The following ZNF845 variants were observed in gnomAD, a reference collection of about 807,000 sequenced individuals.
The protein encoded by ZNF845 is zinc finger protein 845.
Under a neutral mutation model 76.1 loss-of-function variants are expected in ZNF845, and 59 were observed. That is an observed-to-expected ratio of 0.78 (90% confidence interval 0.63 to 0.96). The LOEUF is 0.96. Among genes scored for constraint, ZNF845 ranks in the 40% least tolerant of loss-of-function variants. The pLI is 0.00. For missense variants in ZNF845, 1,045 were observed against 1,172.8 expected (o/e 0.89, Z 1.59); for synonymous variants, 361 against 386.9 (o/e 0.93, Z 0.78).
intron 3 of ZNF845, among the ~76,000 whole-genome samples, chr19:53,350,130 T>C (rs2085322934): frequency 6.6e-6 from 1 of 150,714 alleles, no homozygotes; most frequent in Non-Finnish European, 1.5e-5. Context: ...CAGAAAAATA[T>C]TGTATTAACT....
At chr19:53,348,345 TGGGAAATCCAAGAGCAA>T (rs1382010068) in intron 3 of ZNF845, among the ~76,000 whole-genome samples, 3 of 152,108 alleles carry the variant, frequency 2.0e-5, no homozygotes, top group African/African-American at 4.8e-5. Context: ...ATTTGGAAAG[TGGGAAATCCAAGAGCAA>T]GGTGCCAGCC....
At chr19:53,342,018 T>TA (rs1179109536) in intron 2 of ZNF845, among the ~76,000 whole-genome samples, 3 of 152,076 alleles carry the variant, frequency 2.0e-5, no homozygotes, top group African/African-American at 7.2e-5. Flanking sequence ...GAAAAATGGT[T>TA]ATAATTTTTC....
In ZNF845 at chr19:53,352,971, A is replaced by G; in HGVS notation, c.2296A>G (p.Arg766Gly). 2 of 1,614,116 alleles carry G rather than the reference A, an allele frequency of 1.2e-6. No homozygotes were observed. Among genetic ancestry groups the G allele is most frequent in the Non-Finnish European group, 1.7e-6 (2 of 1,179,982 alleles). ...FSRKSSLEKH[R>G]RIHTGEKPYK... ...TCGCAAATCAAGCCTTGAAAAACACAGGAGAATTCATACTGGAGAGAAACC... is the reference window on the plus strand; with the variant it reads ...TCGCAAATCAAGCCTTGAAAAACACGGGAGAATTCATACTGGAGAGAAACC... The change falls in exon 4 of 4, where the codon AGG becomes GGG. Residue 766 changes from arginine to glycine, a missense_variant. By Grantham distance (125) the Arg-to-Gly change is moderately radical (BLOSUM62 -2). Coordinates refer to ENST00000458035, the MANE Select transcript of ZNF845 (RefSeq NM_138374.3).
chr19:53,353,901 TC>T lies in ZNF845; in HGVS notation c.*315del. 9.7e-7 allele frequency: 1 copy of T among 1,025,982 alleles called. No homozygotes were observed. Among genetic ancestry groups the T allele is most frequent in the Non-Finnish European group, 1.4e-6 (1 of 714,998 alleles). The allele number at this position is 1,025,982 out of a possible 1,614,324, so 63.6% of individuals were successfully genotyped here. On this transcript the variant is annotated 3_prime_UTR_variant, in exon 4 of 4. Transcript: ENST00000458035. ...ACAACCGTTTCAAATCATTGGAGAA[TC>T]CATAATGAGAGATTTTGAAAGTGTA...
rs1288835292 is a variant in ZNF845, at chr19:53,353,363, T to C, written c.2688T>C (p.Phe896=). ...AGTGTAATAAATGTGGTAAGGTTTT[T>C]AATCAACAAGCACACCTTGCATGTC... The part of the protein sequence containing the change: ...PYKCNKCGKV[F]NQQAHLACHH... Residue 896 remains phenylalanine (F), a synonymous_variant, in exon 4 of 4, where the codon TTT becomes TTC. Coordinates refer to ENST00000458035, the MANE Select transcript of ZNF845 (RefSeq NM_138374.3). 1.2e-6 allele frequency: 2 copies of C among 1,612,700 alleles called. No homozygotes were observed. Among genetic ancestry groups the C allele is most frequent in the Non-Finnish European group, 1.7e-6 (2 of 1,179,638 alleles).
chr19:53,346,987 G>A (rs759284074), intron 3 of ZNF845, among the ~76,000 whole-genome samples: 18 of 152,088 alleles, frequency 1.2e-4, no homozygotes, highest in Non-Finnish European at 2.1e-4. Context: ...GGGTTTAAGT[G>A]ATTCTCCTGC....
chr19:53,336,633 CT>C (rs398035035), intron 1 of ZNF845, among the ~76,000 whole-genome samples: 24,737 of 92,782 alleles, frequency 0.27, 2,146 homozygotes, highest in East Asian at 0.35. Flanking sequence ...TTCTTTCTTT[CT>C]TTTTTTTTTT....
intron 1 of ZNF845, among the ~76,000 whole-genome samples, chr19:53,337,434 G>T (rs1003296397): frequency 6.6e-6 from 1 of 152,062 alleles, no homozygotes; most frequent in African/African-American, 2.4e-5. Context: ...GGCTGTGAGT[G>T]TAGTCTGGTG....
chr19:53,341,152 G>C (rs889119787), intron 1 of ZNF845, 83 bp from the exon 2 acceptor site: 1 of 1,229,284 alleles, frequency 8.1e-7, no homozygotes, highest in Non-Finnish European at 1.1e-6. Context: ...TCCTCAGGGT[G>C]AGGTCTCCTT....
At chr19:53,335,527 C>T (rs551531800) in intron 1 of ZNF845, among the ~76,000 whole-genome samples, 33 of 152,138 alleles carry the variant, frequency 2.2e-4, no homozygotes, top group Non-Finnish European at 3.4e-4. Context: ...TCCCAAATTA[C>T]TGGGATTACA....
At chr19:53,343,102 A>T (rs927472861) in intron 2 of ZNF845, among the ~76,000 whole-genome samples, 1 of 152,208 alleles carries the variant, frequency 6.6e-6, no homozygotes, top group African/African-American at 2.4e-5. Context: ...TGCAAGCGTG[A>T]TCCACCGCGC....
rs2085303363 is a variant in ZNF845, at chr19:53,347,304, A to C, written c.142+1672A>C. Among the ~76,000 whole-genome samples the C allele has an allele frequency of 3.0e-5, 4 of 131,286 alleles. No individual in the cohort carries two copies. The South Asian group carries it at 9.7e-4, about 32-fold the overall frequency. 86.1% of individuals were successfully genotyped at this position (131,286 alleles called of 152,430 possible). ...TTTTTTTTTTTCTTTCTTGAGAAGG[A>C]GTCTGTCTGTTGCCCAGGCTGGAGT... On this transcript the variant is annotated intron_variant, in intron 3 of 3. Coordinates refer to ENST00000458035, the MANE Select transcript of ZNF845 (RefSeq NM_138374.3).
Position 53,351,703 on chromosome 19 carries a change from T to C in ZNF845, c.1028T>C (p.Val343Ala), listed in dbSNP as rs1392091538. 5 of 1,614,028 alleles carry C rather than the reference T, an allele frequency of 3.1e-6. No homozygotes were observed. In the African/African-American group the frequency reaches 5.3e-5, roughly 17 times the overall value. ...ACCTTCAGTCAAACGTCATACCTTG[T>C]GTACCATCGTAGACTTCATACTGGA... ...GKTFSQTSYL[V>A]YHRRLHTGEK... The change falls in exon 4 of 4, where the codon GTG becomes GCG. Residue 343 changes from valine to alanine, a missense_variant. Physicochemically the swap from Val to Ala is moderately conservative, Grantham distance 64 (BLOSUM62 0). Transcript: ENST00000458035.
Position 53,353,866 on chromosome 19 carries a change from C to A in ZNF845, c.*278C>A. 8.3e-7 allele frequency: 1 copy of A among 1,203,106 alleles called. No homozygotes were observed. 74.5% of individuals were successfully genotyped at this position (1,203,106 alleles called of 1,614,324 possible). A position where few individuals can be genotyped will look rare whatever the true frequency, so the allele number is the denominator to read the frequency against. ...AATGTAATGATTATCACAAAGTCTT[C>A]AGTAACACTACAACCGTTTCAAATC... On this transcript the variant is annotated 3_prime_UTR_variant, in exon 4 of 4. Transcript: ENST00000458035.
At position 53,351,906 on chromosome 19, in the gene ZNF845, T is replaced by C. The variant is rs1225657573; in HGVS notation, c.1231T>C (p.Tyr411His). 3.1e-6 allele frequency: 5 copies of C among 1,613,762 alleles called. No individual in the cohort carries two copies. The Admixed American group carries it at 5.0e-5, about 16-fold the overall frequency. ...HRRLHTGEKP[Y>H]KCNDCGKTFS... is the part of the protein sequence containing the mutation. ...TAGACTTCATACTGGAGAGAAACCT[T>C]ATAAGTGTAATGATTGTGGCAAGAC... The change falls in exon 4 of 4, where the codon TAT becomes CAT. Residue 411 changes from tyrosine to histidine, a missense_variant. By Grantham distance (83) the Tyr-to-His change is moderately conservative (BLOSUM62 2). Transcript: ENST00000458035.
At position 53,350,930 on chromosome 19, in the gene ZNF845, T is replaced by C. The variant is rs751960059; in HGVS notation, c.255T>C (p.Phe85=). The C allele has an allele frequency of 1.3e-5, 21 of 1,614,072 alleles. No individual in the cohort carries two copies. The highest frequency in any genetic ancestry group is 1.7e-5 in the Non-Finnish European group (20 of 1,180,042). The change falls in exon 4 of 4, where the codon TTT becomes TTC. Residue 85 remains phenylalanine (F), a synonymous_variant. Coordinates refer to ENST00000458035, the MANE Select transcript of ZNF845 (RefSeq NM_138374.3). The part of the protein sequence containing the change: ...QRHERHHIGD[F]CFQEMEKDIH... ...ATGAACGTCATCACATTGGAGATTT[T>C]TGCTTCCAGGAAATGGAGAAAGATA...
At chr19:53,347,888 C>G (rs1162672530) in intron 3 of ZNF845, among the ~76,000 whole-genome samples, 2 of 152,046 alleles carry the variant, frequency 1.3e-5, no homozygotes, top group Non-Finnish European at 2.9e-5. Context: ...ATGAAATCTA[C>G]TAAATACAAA....
chr19:53,340,108 G>A (rs2085245436), intron 1 of ZNF845, among the ~76,000 whole-genome samples: 1 of 152,130 alleles, frequency 6.6e-6, no homozygotes, highest in Admixed American at 6.5e-5. Flanking sequence ...CTGGAGTGCA[G>A]TGCCGTGATC....
At position 53,356,761 on chromosome 19, in the gene ZNF845, C is replaced by T. The variant is rs867550708; in HGVS notation, c.*3173C>T. On this transcript the variant is annotated 3_prime_UTR_variant, in exon 4 of 4. Coordinates refer to ENST00000458035, the MANE Select transcript of ZNF845 (RefSeq NM_138374.3). ...TGGCTAACACGGTGAAACCCCGTCT[C>T]TACTAAAAATACAAAAAATTAGCTG... 1.3e-5 allele frequency: 2 copies of T among 151,768 alleles called. No homozygotes were observed. The highest frequency in any genetic ancestry group is 4.8e-5 in the African/African-American group (2 of 41,314). 9.4% of individuals were successfully genotyped at this position (151,768 alleles called of 1,614,324 possible). A position where few individuals can be genotyped will look rare whatever the true frequency, so the allele number is the denominator to read the frequency against.
Sources: allele counts gnomAD v4.1 joint callset (sites outside exome capture counted in the v4.1 genomes callset), GRCh38; gene constraint gnomAD v4.1.1; transcripts MANE v1.5; gene names NCBI Gene and HGNC (gene_info 2026-07-23, HGNC 2026-07-21).